ZNF714: variants seen among roughly 807,000 people sequenced by gnomAD.
ZNF714 encodes the protein zinc finger protein 714.
ZNF714 carries 32 observed loss-of-function variants against 46.2 expected under a neutral mutation model. The ratio of observed to expected loss-of-function variants is 0.69; its 90% CI spans 0.52 to 0.93. The LOEUF is 0.93. ZNF714 is among the 40% of genes least tolerant of loss of function. ZNF714 has a pLI of 0.00. For missense variants in ZNF714, 635 were observed against 646.3 expected (o/e 0.98, Z 0.19); for synonymous variants, 199 against 213.1 (o/e 0.93, Z 0.58).
In ZNF714 at chr19:21,082,359, C is replaced by G. The variant is rs1361665507; in HGVS notation, c.-177+11C>G. On this transcript the variant is annotated intron_variant, in intron 1 of 4. Coordinates refer to ENST00000456283, the MANE Select transcript of ZNF714 (RefSeq NM_182515.4). Reference sequence around the variant, plus strand: ...GGAAGCCTAGAAATGGTGAGAGTGCCGGGTCCGACATCCCGAGAGAGGGGA... The same window carrying G: ...GGAAGCCTAGAAATGGTGAGAGTGCGGGGTCCGACATCCCGAGAGAGGGGA... 6.9e-7 allele frequency: 1 copy of G among 1,458,584 alleles called. No homozygotes were observed. The highest frequency in any genetic ancestry group is 9.3e-7 in the Non-Finnish European group (1 of 1,078,478). The allele number at this position is 1,458,584 out of a possible 1,614,324, so 90.4% of individuals were successfully genotyped here.
intron 2 of ZNF714, among the ~76,000 whole-genome samples, chr19:21,086,667 C>G (rs1250241603): frequency 1.3e-5 from 2 of 152,146 alleles, no homozygotes; most frequent in Non-Finnish European, 2.9e-5. Context: ...CTTTTGCTGA[C>G]CTTCTATCCT....
chr19:21,109,393 C>T (rs1969395107), intron 4 of ZNF714, among the ~76,000 whole-genome samples: 2 of 151,926 alleles, frequency 1.3e-5, no homozygotes, highest in South Asian at 4.2e-4. Context: ...GTTTTTTGTA[C>T]CTTTTTCTGT....
intron 2 of ZNF714, 85 bp from the exon 3 acceptor site, chr19:21,098,100 T>C (rs1969086636): frequency 2.6e-6 from 4 of 1,512,314 alleles, no homozygotes; most frequent in Admixed American, 4.8e-5. Flanking sequence ...CTCTTTACTC[T>C]CTCATTTCAC....
intron 4 of ZNF714, among the ~76,000 whole-genome samples, chr19:21,099,869 T>C (rs1969132064): frequency 6.6e-6 from 1 of 152,228 alleles, no homozygotes; most frequent in African/African-American, 2.4e-5. Flanking sequence ...TTTTGTGTTG[T>C]TGTTGAGACA....
chr19:21,101,852 G>A (rs1317466912), intron 4 of ZNF714, among the ~76,000 whole-genome samples: 1 of 152,148 alleles, frequency 6.6e-6, no homozygotes, highest in Non-Finnish European at 1.5e-5. Context: ...CCAAAACCAG[G>A]GGTCCTGTAG....
At chr19:21,089,655 G>A (rs569356225) in intron 2 of ZNF714, among the ~76,000 whole-genome samples, 19 of 152,310 alleles carry the variant, frequency 1.2e-4, no homozygotes, top group African/African-American at 4.3e-4. Context: ...GGGCCATCCT[G>A]AACAGCAGCC....
At chr19:21,105,973 A>G (rs12974016) in intron 4 of ZNF714, among the ~76,000 whole-genome samples, 124,385 of 151,848 alleles carry the variant, frequency 0.82, 52,903 homozygotes, top group Middle Eastern at 0.93. Context: ...TAAATAGGCC[A>G]GGCGCGGTGG....
chr19:21,107,033 G>C (rs573095843), intron 4 of ZNF714, among the ~76,000 whole-genome samples: 1 of 152,164 alleles, frequency 6.6e-6, no homozygotes, highest in Non-Finnish European at 1.5e-5. Context: ...CGCCATGTTG[G>C]CAAGGATGGT....
At chr19:21,088,768 T>C (rs1338985182) in intron 2 of ZNF714, among the ~76,000 whole-genome samples, 1 of 152,232 alleles carries the variant, frequency 6.6e-6, no homozygotes, top group African/African-American at 2.4e-5. Context: ...AGTTTCTTAA[T>C]TGGATTACTA....
At chr19:21,107,023 C>T (rs1354895705) in intron 4 of ZNF714, among the ~76,000 whole-genome samples, 1 of 152,042 alleles carries the variant, frequency 6.6e-6, no homozygotes, top group African/African-American at 2.4e-5. Flanking sequence ...GACAGGATTT[C>T]GCCATGTTGG....
chr19:21,089,234 G>A (rs574014619), intron 2 of ZNF714, among the ~76,000 whole-genome samples: 86 of 152,256 alleles, frequency 5.6e-4, no homozygotes, highest in Middle Eastern at 3.4e-3. Context: ...TCCCAAAACA[G>A]GGTCTATAGT....
intron 4 of ZNF714, among the ~76,000 whole-genome samples, chr19:21,111,444 C>T (rs1003588052): frequency 1.2e-4 from 18 of 151,950 alleles, no homozygotes; most frequent in African/African-American, 4.4e-4. Flanking sequence ...GCTGAAGTTG[C>T]TTATTAGATG....
intron 4 of ZNF714, among the ~76,000 whole-genome samples, chr19:21,105,989 G>A (rs1207497822): frequency 6.6e-6 from 1 of 151,918 alleles, no homozygotes; most frequent in Non-Finnish European, 1.5e-5. Flanking sequence ...GGTGGCATAT[G>A]CCTGTAATTC....
At chr19:21,107,090 G>T (rs1969337907) in intron 4 of ZNF714, among the ~76,000 whole-genome samples, 1 of 152,198 alleles carries the variant, frequency 6.6e-6, no homozygotes, top group South Asian at 2.1e-4. Flanking sequence ...CTCCCAAAGT[G>T]CTGGGCTTAC....
At chr19:21,115,102 C>T (rs755384967) in intron 4 of ZNF714, among the ~76,000 whole-genome samples, 1 of 151,836 alleles carries the variant, frequency 6.6e-6, no homozygotes, top group Non-Finnish European at 1.5e-5. Context: ...AAAGATAAAA[C>T]AGTGTATTTT....
At chr19:21,087,253 C>T (rs943727389) in intron 2 of ZNF714, among the ~76,000 whole-genome samples, 33 of 142,038 alleles carry the variant, frequency 2.3e-4, no homozygotes, top group African/African-American at 7.6e-4. Context: ...AAAACATGAT[C>T]GACAAGGAAA....
chr19:21,087,929 GT>G (rs1968820646), intron 2 of ZNF714, among the ~76,000 whole-genome samples: 2 of 152,172 alleles, frequency 1.3e-5, no homozygotes, highest in Admixed American at 1.3e-4. Context: ...ATGTTACAAT[GT>G]TAACTCTTAG....
intron 4 of ZNF714, among the ~76,000 whole-genome samples, chr19:21,108,666 C>G (rs1286456816): frequency 6.6e-6 from 1 of 152,202 alleles, no homozygotes; most frequent in African/African-American, 2.4e-5. Context: ...TGCTGTTACA[C>G]CCTTCTTGTA....
At chr19:21,090,872 C>CTTTTT (rs56845153) in intron 2 of ZNF714, 5 of 52,026 alleles carry the variant, frequency 9.6e-5, no homozygotes, top group Non-Finnish European at 1.4e-4. Flanking sequence ...TATGCCTCTC[C>CTTTTT]TTTTTTTTTT....
Sources: allele counts gnomAD v4.1 joint callset (sites outside exome capture counted in the v4.1 genomes callset), GRCh38; gene constraint gnomAD v4.1.1; transcripts MANE v1.5; gene names NCBI Gene and HGNC (gene_info 2026-07-23, HGNC 2026-07-21).